FRMPD4: variants seen among roughly 807,000 people sequenced by gnomAD.
FRMPD4 encodes FERM and PDZ domain containing 4, also known as FERM and PDZ domain-containing protein 4.
A neutral mutation model predicts 94.1 loss-of-function variants in FRMPD4; 22 were observed. The ratio of observed to expected loss-of-function variants is 0.23; its 90% CI spans 0.17 to 0.33. FRMPD4 has a LOEUF of 0.33. Ranked by LOEUF, FRMPD4 falls within the 10% of genes least tolerant of loss-of-function variation. The pLI is 1.00. For missense variants in FRMPD4, 1,111 were observed against 1,339.9 expected (o/e 0.83, Z 2.67); for synonymous variants, 631 against 548.6 (o/e 1.15, Z -2.10).
In FRMPD4 at chrX:11,853,082, C is replaced by G. The variant is rs1159981093; in HGVS notation, c.-160-12004C>G. On this transcript the variant is annotated intron_variant, in intron 1 of 18. Coordinates refer to the FRMPD4 transcript ENST00000640291. Reference sequence around the variant, plus strand: ...ACCACAGTGCAATCAAATTTGAAATCAAGACTAAGAAACTCAAAACCATAC... The same window carrying G: ...ACCACAGTGCAATCAAATTTGAAATGAAGACTAAGAAACTCAAAACCATAC... Among the ~76,000 whole-genome samples the G allele has an allele frequency of 3.6e-5, 4 of 111,991 alleles. No homozygotes were observed. In the Admixed American group the frequency reaches 3.8e-4, roughly 11 times the overall value.
At chrX:12,221,348 G>A (rs1264222317) in intron 1 of FRMPD4, among the ~76,000 whole-genome samples, 1 of 112,267 alleles carries the variant, frequency 8.9e-6, no homozygotes, top group African/African-American at 3.2e-5. Context: ...AGCAAACATA[G>A]AAGGAAATAC....
chrX:12,255,761 T>C (rs2054105418), intron 1 of FRMPD4, among the ~76,000 whole-genome samples: 1 of 112,098 alleles, frequency 8.9e-6, no homozygotes, highest in Non-Finnish European at 1.9e-5. Flanking sequence ...AATAGGTTTG[T>C]AGATGAAGGA....
At chrX:12,055,684 T>C (rs1343786797) in intron 3 of FRMPD4, among the ~76,000 whole-genome samples, 1 of 111,932 alleles carries the variant, frequency 8.9e-6, no homozygotes, top group African/African-American at 3.2e-5. Flanking sequence ...CCTAAGGGTT[T>C]GAATCATGGG....
chrX:12,036,483 T>C (rs899863449), intron 3 of FRMPD4, among the ~76,000 whole-genome samples: 12 of 112,096 alleles, frequency 1.1e-4, no homozygotes, highest in African/African-American at 3.9e-4. Flanking sequence ...TGAGAACAAG[T>C]GAGAACATTT....
chrX:12,481,846 A>G (rs2057685303), intron 1 of FRMPD4, among the ~76,000 whole-genome samples: 1 of 101,138 alleles, frequency 9.9e-6, no homozygotes, highest in African/African-American at 3.6e-5. Flanking sequence ...GGAGACTGAG[A>G]CAGCAGAATT....
At chrX:12,387,992 A>G (rs896751923) in intron 1 of FRMPD4, among the ~76,000 whole-genome samples, 1 of 109,141 alleles carries the variant, frequency 9.2e-6, no homozygotes, top group South Asian at 4.0e-4. Context: ...AAAAAAAAAA[A>G]GTAGTATAGT....
chrX:12,576,713 C>T (rs1332203312), intron 2 of FRMPD4, among the ~76,000 whole-genome samples: 1 of 112,704 alleles, frequency 8.9e-6, no homozygotes. Flanking sequence ...GGGGCTCTTT[C>T]CACACCCCAT....
At chrX:12,204,501 A>G (rs1239999303) in intron 1 of FRMPD4, among the ~76,000 whole-genome samples, 1 of 111,160 alleles carries the variant, frequency 9.0e-6, no homozygotes, top group Middle Eastern at 4.2e-3. Flanking sequence ...CAGCTTCCCA[A>G]TTCAGAACCA....
chrX:12,258,398 C>T (rs183344942), intron 1 of FRMPD4, among the ~76,000 whole-genome samples: 5 of 111,249 alleles, frequency 4.5e-5, no homozygotes, highest in Non-Finnish European at 7.6e-5. Flanking sequence ...GTCTTGCATG[C>T]TCACTTTCTC....
chrX:11,970,104 G>A (rs892199187), intron 3 of FRMPD4, among the ~76,000 whole-genome samples: 7 of 111,755 alleles, frequency 6.3e-5, no homozygotes, highest in Admixed American at 5.7e-4. Flanking sequence ...CACCAAGAGT[G>A]TAGGCAATTT....
chrX:12,438,957 C>T (rs2057102060), intron 1 of FRMPD4, among the ~76,000 whole-genome samples: 1 of 110,810 alleles, frequency 9.0e-6, no homozygotes, highest in Non-Finnish European at 1.9e-5. Context: ...ACGTGTCTTC[C>T]GAGCAGAGGT....
At chrX:12,218,114 AT>A (rs1167345929) in intron 1 of FRMPD4, among the ~76,000 whole-genome samples, 1 of 111,678 alleles carries the variant, frequency 9.0e-6, no homozygotes, top group African/African-American at 3.3e-5. Flanking sequence ...TAACATCCTT[AT>A]TTTTTTAACA....
intron 5 of FRMPD4, among the ~76,000 whole-genome samples, chrX:12,680,988 C>T (rs2059965815): frequency 9.0e-6 from 1 of 111,439 alleles, no homozygotes. Context: ...CATCCGAAAA[C>T]TCTATATTTG....
At chrX:12,712,139 C>T (rs773401237) in intron 14 of FRMPD4, among the ~76,000 whole-genome samples, 1 of 109,645 alleles carries the variant, frequency 9.1e-6, no homozygotes. Flanking sequence ...GATTTAAAAA[C>T]TAGCTTGCAA....
intron 2 of FRMPD4, among the ~76,000 whole-genome samples, chrX:12,583,911 C>A (rs2058895357): frequency 9.0e-6 from 1 of 111,313 alleles, no homozygotes; most frequent in Non-Finnish European, 1.9e-5. Context: ...GTGCGAGGAC[C>A]ACCCAGTAGC....
In FRMPD4 at chrX:12,571,391, C is replaced by G. The variant is rs185917451; in HGVS notation, c.159-38330C>G. ...CTGTGAATTTACATGACCTGCAACA[C>G]GACAATGGCTTAATGGGAGCTAAAC... is the stretch of plus-strand genomic sequence containing the variant. On this transcript the variant is annotated intron_variant, in intron 2 of 16. Coordinates refer to ENST00000675598, the MANE Select transcript of FRMPD4 (RefSeq NM_001368397.1). 2.7e-5 allele frequency among the ~76,000 whole-genome samples: 3 copies of G among 112,642 alleles called. No homozygotes were observed. The East Asian group carries it at 8.3e-4, about 31-fold the overall frequency.
chrX:11,930,155 A>T (rs760773794), intron 3 of FRMPD4, among the ~76,000 whole-genome samples: 1 of 103,323 alleles, frequency 9.7e-6, no homozygotes, highest in East Asian at 3.4e-4. Context: ...TGGGAACACT[A>T]TCATATAGAC....
intron 4 of FRMPD4, among the ~76,000 whole-genome samples, chrX:12,635,790 G>A (rs778939170): frequency 1.8e-5 from 2 of 111,806 alleles, no homozygotes; most frequent in South Asian, 7.5e-4. Context: ...GTCATTCTTG[G>A]CTACAGGTTG....
intron 1 of FRMPD4, among the ~76,000 whole-genome samples, chrX:12,142,160 T>C (rs1264891250): frequency 8.9e-6 from 1 of 111,884 alleles, no homozygotes; most frequent in Non-Finnish European, 1.9e-5. Context: ...TGATTTCTTA[T>C]AGTAGTAGGT....
Sources: gnomAD v4.1 joint callset for allele counts (sites outside exome capture counted in the v4.1 genomes callset) on GRCh38, gnomAD v4.1.1 for gene constraint, MANE v1.5 for transcripts, NCBI Gene and HGNC (gene_info 2026-07-23, HGNC 2026-07-21) for gene names.